CD2AP: variants seen among roughly 807,000 people sequenced by gnomAD.
CD2AP encodes CD2 associated protein.
A neutral mutation model predicts 85.1 loss-of-function variants in CD2AP; 46 were observed. The observed-to-expected ratio is 0.54, with a 90% CI of 0.43 to 0.69. The LOEUF is 0.69. CD2AP is among the 30% of genes least tolerant of loss of function. The probability of loss-of-function intolerance (pLI) is 0.00; values close to 1 mark genes in which losing one functional copy is unlikely to be tolerated. For missense variants in CD2AP, 769 were observed against 729.5 expected (o/e 1.05, Z -0.62); for synonymous variants, 255 against 252.9 (o/e 1.01, Z -0.08).
intron 2 of CD2AP, among the ~76,000 whole-genome samples, chr6:47,512,756 C>T (rs951762609): frequency 4.6e-5 from 7 of 152,234 alleles, no homozygotes; most frequent in South Asian, 2.1e-4. Flanking sequence ...TTCTCATCAC[C>T]TCCTTCTCAT....
At chr6:47,580,928 G>A in intron 10 of CD2AP, 28 bp downstream of exon 10, 2 of 1,545,944 alleles carry the variant, frequency 1.3e-6, no homozygotes, top group South Asian at 2.3e-5. Context: ...TATTCAGTTT[G>A]CTATTTTCCA....
At chr6:47,606,739 C>T (rs1017473564) in intron 14 of CD2AP, among the ~76,000 whole-genome samples, 7 of 151,874 alleles carry the variant, frequency 4.6e-5, no homozygotes, top group African/African-American at 1.7e-4. Context: ...TATTTTGATA[C>T]AGGCATGAAA....
At chr6:47,566,414 A>G (rs2114083932) in intron 5 of CD2AP, among the ~76,000 whole-genome samples, 1 of 151,278 alleles carries the variant, frequency 6.6e-6, no homozygotes, top group East Asian at 1.9e-4. Context: ...TGAAACAGTG[A>G]ATAGTTTTTT....
rs137906953 is a variant in CD2AP, at chr6:47,621,769, AG to A, written c.1879-2415del. Among the ~76,000 whole-genome samples the A allele has an allele frequency of 7.9e-3, 1,198 of 152,178 alleles. 14 individuals are homozygous for A. The highest frequency in any genetic ancestry group is 0.027 in the African/African-American group (1,118 of 41,524). On this transcript the variant is annotated intron_variant, in intron 17 of 17. Coordinates refer to ENST00000359314, the MANE Select transcript of CD2AP (RefSeq NM_012120.3). ...TCTCTAATTCTTCCTGATTTAATCT[AG>A]GAGGGTTGTATTTTTCCAGAAATTC...
At chr6:47,554,894 T>TA in intron 5 of CD2AP, 128 bp downstream of exon 5, 1 of 825,804 alleles carries the variant, frequency 1.2e-6, no homozygotes, top group Non-Finnish European at 1.8e-6. Context: ...TAGTCTACTT[T>TA]AAAAAAGCAA....
intron 11 of CD2AP, among the ~76,000 whole-genome samples, chr6:47,587,288 G>A (rs1174015514): frequency 1.3e-5 from 2 of 152,090 alleles, no homozygotes; most frequent in African/African-American, 4.8e-5. Flanking sequence ...CCTTCGAAAA[G>A]CTCTGTTCTG....
intron 10 of CD2AP, 135 bp from the exon 11 acceptor site, chr6:47,581,868 G>A (rs112889337): frequency 1.7e-5 from 11 of 647,166 alleles, no homozygotes; most frequent in African/African-American, 5.5e-5. Context: ...TGGTAATTCC[G>A]GTACATTGTT....
chr6:47,608,777 T>C (rs1370121655), intron 15 of CD2AP, among the ~76,000 whole-genome samples: 3 of 152,186 alleles, frequency 2.0e-5, no homozygotes, highest in Non-Finnish European at 4.4e-5. Flanking sequence ...TTCCAAACAA[T>C]AAGTATTGAA....
chr6:47,546,545 C>T (rs996778960), intron 4 of CD2AP, among the ~76,000 whole-genome samples: 3 of 151,886 alleles, frequency 2.0e-5, no homozygotes, highest in African/African-American at 7.3e-5. Flanking sequence ...GGCACATTAT[C>T]ATCACGTTAT....
intron 11 of CD2AP, among the ~76,000 whole-genome samples, chr6:47,594,718 AGATTTTTGTACCAAAT>A (rs1311567258): frequency 6.6e-6 from 1 of 152,040 alleles, no homozygotes; most frequent in East Asian, 1.9e-4. Flanking sequence ...ATATAAAAAT[AGATTTTTGTACCAAAT>A]GATGACCAGA....
chr6:47,624,924 T>C lies in CD2AP; in HGVS notation c.*697T>C, dbSNP rs1220158373. The C allele has an allele frequency of 3.3e-5, 5 of 151,938 alleles. No homozygotes were observed. The highest frequency in any genetic ancestry group is 7.4e-5 in the Non-Finnish European group (5 of 67,852). The allele number at this position is 151,938 out of a possible 1,614,324, so 9.4% of individuals were successfully genotyped here. A position where few individuals can be genotyped will look rare whatever the true frequency, so the allele number is the denominator to read the frequency against. On this transcript the variant is annotated 3_prime_UTR_variant, in exon 18 of 18. Transcript: ENST00000359314. ...CAACTTTTAGAATATTTTATGTTGCTTGCACTATAGGAGTCATAAAAGGAA... is the reference window on the plus strand; with the variant it reads ...CAACTTTTAGAATATTTTATGTTGCCTGCACTATAGGAGTCATAAAAGGAA...
At chr6:47,566,311 T>TAC (rs2114083352) in intron 5 of CD2AP, among the ~76,000 whole-genome samples, 1 of 58,030 alleles carries the variant, frequency 1.7e-5, no homozygotes, top group South Asian at 6.1e-4. Flanking sequence ...AATATATATA[T>TAC]ATATATATAT....
At chr6:47,574,759 C>A (rs1768258832) in intron 6 of CD2AP, among the ~76,000 whole-genome samples, 1 of 151,824 alleles carries the variant, frequency 6.6e-6, no homozygotes, top group South Asian at 2.1e-4. Flanking sequence ...TATTTTATTT[C>A]ATTAGCATTT....
At chr6:47,508,312 G>T (rs909229575) in intron 2 of CD2AP, among the ~76,000 whole-genome samples, 23 of 152,154 alleles carry the variant, frequency 1.5e-4, no homozygotes, top group African/African-American at 5.1e-4. Flanking sequence ...TTCTCTGTCA[G>T]CACTAGCTGC....
intron 2 of CD2AP, among the ~76,000 whole-genome samples, chr6:47,514,729 T>C (rs1435976618): frequency 6.6e-6 from 1 of 152,130 alleles, no homozygotes; most frequent in Non-Finnish European, 1.5e-5. Context: ...ACAGAATCTT[T>C]GAAAAAATGT....
intron 5 of CD2AP, among the ~76,000 whole-genome samples, chr6:47,563,217 G>A (rs556831912): frequency 7.0e-4 from 106 of 152,300 alleles, no homozygotes; most frequent in Non-Finnish European, 1.1e-3. Context: ...AGAGGTGCAA[G>A]TATCACATCT....
intron 10 of CD2AP, among the ~76,000 whole-genome samples, 173 bp from the exon 11 acceptor site, chr6:47,581,830 T>G (rs1768486622): frequency 2.0e-5 from 3 of 152,180 alleles, no homozygotes. Flanking sequence ...AGGGTAATAG[T>G]GGCAGGTCCA....
chr6:47,536,093 G>A (rs922838556), intron 3 of CD2AP, among the ~76,000 whole-genome samples: 2 of 152,218 alleles, frequency 1.3e-5, no homozygotes, highest in Admixed American at 6.5e-5. Context: ...TCCATAACTT[G>A]TTTTTAAAGT....
intron 11 of CD2AP, among the ~76,000 whole-genome samples, chr6:47,595,127 G>A (rs1768905105): frequency 6.6e-6 from 1 of 151,982 alleles, no homozygotes; most frequent in Non-Finnish European, 1.5e-5. Context: ...GAAAGATCAG[G>A]AAGCAGGTAT....
Sources: allele counts gnomAD v4.1 joint callset (sites outside exome capture counted in the v4.1 genomes callset), GRCh38; gene constraint gnomAD v4.1.1; transcripts MANE v1.5; gene names NCBI Gene and HGNC (gene_info 2026-07-23, HGNC 2026-07-21).